Variants in PDIA3 observed in about 807,000 individuals in gnomAD.
PDIA3 encodes protein disulfide-isomerase A3.
PDIA3 carries 16 observed loss-of-function variants against 56.9 expected under a neutral mutation model. That is an observed-to-expected ratio of 0.28 (90% CI 0.19 to 0.43). The LOEUF (loss-of-function observed/expected upper bound fraction) is 0.43, where lower values mean the gene tolerates loss of function less well. Among genes scored for constraint, PDIA3 ranks in the 20% least tolerant of loss-of-function variants. The pLI is 1.00. For missense variants in PDIA3, 485 were observed against 621.3 expected, an observed-to-expected ratio of 0.78 and a Z score of 2.33; for synonymous variants, 192 against 216.5, an observed-to-expected ratio of 0.89 and a Z score of 0.99.
intron 1 of PDIA3, among the ~76,000 whole-genome samples, chr15:43,748,320 A>C (rs1160385330): frequency 6.6e-6 from 1 of 152,144 alleles, no homozygotes; most frequent in Non-Finnish European, 1.5e-5. Flanking sequence ...CTCTACTAAA[A>C]ATACGAAATT....
intron 8 of PDIA3, 49 bp downstream of exon 8, chr15:43,766,959 T>G (rs1446151800): frequency 6.7e-7 from 1 of 1,489,910 alleles, no homozygotes; most frequent in African/African-American, 1.4e-5. Context: ...ATTAAAGCCT[T>G]TTATACTACA....
In PDIA3 at chr15:43,771,321, C is replaced by T. The variant is rs916435235; in HGVS notation, c.*103C>T. 1.3e-5 allele frequency: 9 copies of T among 684,408 alleles called. No individual in the cohort carries two copies. The highest frequency in any genetic ancestry group is 1.8e-5 in the South Asian group (1 of 55,956). The allele number at this position is 684,408 out of a possible 1,614,324, so 42.4% of individuals were successfully genotyped here. A position where few individuals can be genotyped will look rare whatever the true frequency, so the allele number is the denominator to read the frequency against. On this transcript the variant is annotated 3_prime_UTR_variant, in exon 13 of 13. Transcript: ENST00000300289. The stretch of plus-strand genomic sequence containing the variant: ...TATGGGAATTATTACCTCTCAGGGC[C>T]GAGAGGACAGAATGGATATAATCTG...
intron 5 of PDIA3, among the ~76,000 whole-genome samples, chr15:43,764,420 A>G (rs1404239897): frequency 1.3e-5 from 2 of 152,186 alleles, no homozygotes; most frequent in East Asian, 1.9e-4. Flanking sequence ...AATGTAAACA[A>G]TAGTCACTAA....
chr15:43,755,080 C>G (rs1321798052), intron 2 of PDIA3, among the ~76,000 whole-genome samples: 1 of 152,128 alleles, frequency 6.6e-6, no homozygotes, highest in African/African-American at 2.4e-5. Context: ...AATCCCAGCA[C>G]TTTGACAGGC....
intron 7 of PDIA3, 116 bp downstream of exon 7, chr15:43,766,128 A>C: frequency 1.5e-6 from 1 of 673,812 alleles, no homozygotes; most frequent in Non-Finnish European, 2.2e-6. Context: ...GTTCCTTAAG[A>C]AGAGGTAAAA....
chr15:43,767,419 AT>A (rs745407050), intron 8 of PDIA3, among the ~76,000 whole-genome samples: 60 of 152,188 alleles, frequency 3.9e-4, no homozygotes, highest in Non-Finnish European at 7.9e-4. Flanking sequence ...TCCTTAATGA[AT>A]TCTGAAAACT....
At chr15:43,756,877 C>T (rs1402603164) in intron 3 of PDIA3, 111 bp downstream of exon 3, 1 of 613,880 alleles carries the variant, frequency 1.6e-6, no homozygotes, top group Admixed American at 2.6e-5. Context: ...TTAAAACTTC[C>T]TCATCTAAGA....
chr15:43,770,729 C>T (rs551734117), intron 12 of PDIA3, 149 bp downstream of exon 12: 17 of 638,948 alleles, frequency 2.7e-5, no homozygotes, highest in East Asian at 1.7e-4. Flanking sequence ...AGTGCAATGG[C>T]GTGATCTCGG....
Position 43,768,552 on chromosome 15 carries a change from C to T in PDIA3, c.1092C>T (p.Tyr364=), listed in dbSNP as rs1190456529. The T allele has an allele frequency of 1.9e-6, 3 of 1,613,776 alleles. No individual in the cohort carries two copies. The highest frequency in any genetic ancestry group is 2.5e-6 in the Non-Finnish European group (3 of 1,179,726). ...QDYFDGNLKR[Y]LKSEPIPESN... The stretch of plus-strand genomic sequence containing the variant: ...ACTTTGATGGCAATCTGAAGAGATA[C>T]CTGAAGTCTGAACCTATCCCAGAGA... The change falls in exon 9 of 13, where the codon TAC becomes TAT. Residue 364 remains tyrosine, a synonymous_variant. Transcript: ENST00000300289.
intron 5 of PDIA3, among the ~76,000 whole-genome samples, chr15:43,764,468 T>G (rs1012735685): frequency 3.3e-5 from 5 of 152,134 alleles, no homozygotes; most frequent in African/African-American, 1.2e-4. Flanking sequence ...AGTTTGAGTT[T>G]ATTTTTTTAT....
intron 1 of PDIA3, among the ~76,000 whole-genome samples, chr15:43,748,630 G>C (rs2086722770): frequency 6.6e-6 from 1 of 152,192 alleles, no homozygotes; most frequent in South Asian, 2.1e-4. Flanking sequence ...GCTTTTAATT[G>C]GTTTAAAAGA....
chr15:43,765,648 T>A, intron 6 of PDIA3, 82 bp downstream of exon 6: 1 of 1,000,574 alleles, frequency 1.0e-6, no homozygotes, highest in Non-Finnish European at 1.6e-6. Flanking sequence ...CGAGCTATAT[T>A]TTGGCGTAAA....
chr15:43,761,502 T>A lies in PDIA3; in HGVS notation c.443T>A (p.Phe148Tyr). 1 of 1,582,642 alleles carries A rather than the reference T, an allele frequency of 6.3e-7. No homozygotes were observed. Among genetic ancestry groups the A allele is most frequent in the Middle Eastern group, 1.7e-4 (1 of 5,970 alleles). ...AGGACTGAGGAAGAATTTAAGAAAT[T>A]CATTAGTGATAAAGATGCCTCTATA... ...PLRTEEEFKK[F>Y]ISDKDASIVG... is the part of the protein sequence containing the mutation. Residue 148 changes from phenylalanine to tyrosine, a missense_variant, in exon 4 of 13, where the codon TTC becomes TAC. Coordinates refer to ENST00000300289, the MANE Select transcript of PDIA3 (RefSeq NM_005313.5).
Position 43,771,851 on chromosome 15 carries a change from T to G in PDIA3, c.*633T>G, listed in dbSNP as rs901310900. 7.9e-6 allele frequency: 3 copies of G among 379,790 alleles called. No homozygotes were observed. Among genetic ancestry groups the G allele is most frequent in the African/African-American group, 4.1e-5 (2 of 48,310 alleles). 23.5% of individuals were successfully genotyped at this position (379,790 alleles called of 1,614,324 possible). A position where few individuals can be genotyped will look rare whatever the true frequency, so the allele number is the denominator to read the frequency against. ...TATTTCCCAGGCCTACCCTGGTGAT[T>G]AGAACAGCTGAAGGGCCTTTCTTGT... On this transcript the variant is annotated 3_prime_UTR_variant, in exon 13 of 13. Transcript: ENST00000300289.
At chr15:43,749,967 T>G (rs1307579995) in intron 1 of PDIA3, among the ~76,000 whole-genome samples, 1 of 145,570 alleles carries the variant, frequency 6.9e-6, no homozygotes, top group African/African-American at 2.5e-5. Flanking sequence ...AAAATGGGCT[T>G]TTTTTTTTTT....
At chr15:43,751,980 CA>C (rs2086747312) in intron 1 of PDIA3, among the ~76,000 whole-genome samples, 2 of 152,238 alleles carry the variant, frequency 1.3e-5, no homozygotes, top group Non-Finnish European at 2.9e-5. Flanking sequence ...TCTTTATTCT[CA>C]TTGCTGCCAT....
At chr15:43,756,846 C>A in intron 3 of PDIA3, 80 bp downstream of exon 3, 2 of 807,430 alleles carry the variant, frequency 2.5e-6, no homozygotes, top group Non-Finnish European at 4.1e-6. Context: ...ATGTGTTTTT[C>A]TACACAGTAT....
chr15:43,752,900 AT>A (rs1567155423), intron 1 of PDIA3: 9 of 470,060 alleles, frequency 1.9e-5, no homozygotes, highest in Non-Finnish European at 4.0e-5. Flanking sequence ...ACTGATTAGG[AT>A]TTTCTGGGCA....
At chr15:43,757,908 C>A (rs2086790126) in intron 3 of PDIA3, among the ~76,000 whole-genome samples, 1 of 150,540 alleles carries the variant, frequency 6.6e-6, no homozygotes, top group African/African-American at 2.4e-5. Context: ...ATATGGATAA[C>A]CATCTCATAC....
Sources: gnomAD v4.1 joint callset for allele counts (sites outside exome capture counted in the v4.1 genomes callset) on GRCh38, gnomAD v4.1.1 for gene constraint, MANE v1.5 for transcripts, NCBI Gene and HGNC (gene_info 2026-07-23, HGNC 2026-07-21) for gene names.